AFF4: variants seen among roughly 807,000 people sequenced by gnomAD.
AFF4 encodes the protein ALF transcription elongation factor 4, also known as AF4/FMR2 family member 4.
A neutral mutation model predicts 124.8 loss-of-function variants in AFF4; 13 were observed. That is an observed-to-expected ratio of 0.10 (90% CI 0.07 to 0.17). The LOEUF (loss-of-function observed/expected upper bound fraction) is 0.17, where lower values mean the gene tolerates loss of function less well. Ranked by LOEUF, AFF4 falls within the 10% of genes least tolerant of loss-of-function variation. AFF4 has a pLI of 1.00. For missense variants in AFF4, 1,092 were observed against 1,403.8 expected, an observed-to-expected ratio of 0.78 and a Z score of 3.55; for synonymous variants, 477 against 496.1, an observed-to-expected ratio of 0.96 and a Z score of 0.51.
At chr5:132,921,457 G>GTTTTCTTTTTTTTTTC (rs1761043745) in intron 5 of AFF4, among the ~76,000 whole-genome samples, 5 of 141,414 alleles carry the variant, frequency 3.5e-5, no homozygotes, top group Non-Finnish European at 7.7e-5. Context: ...TATGACAGTT[G>GTTTTCTTTTTTTTTTC]TTTTCTTTTT....
At chr5:132,944,456 G>A (rs1581328835) in intron 1 of AFF4, among the ~76,000 whole-genome samples, 2 of 152,232 alleles carry the variant, frequency 1.3e-5, no homozygotes, top group Admixed American at 1.3e-4. Context: ...GACCACCCTG[G>A]GCAACATGGT....
intron 1 of AFF4, chr5:132,943,353 G>T: frequency 4.9e-6 from 1 of 205,558 alleles, no homozygotes; most frequent in East Asian, 1.2e-4. Context: ...TTGGAATGAT[G>T]GCAACATGCT....
rs1408503141 is a variant in AFF4, at chr5:132,878,506, T to C, written c.*2553A>G. 2.2e-5 allele frequency: 5 copies of C among 232,232 alleles called. No homozygotes were observed. Among genetic ancestry groups the C allele is most frequent in the Non-Finnish European group, 4.3e-5 (5 of 117,306 alleles). 14.4% of individuals were successfully genotyped at this position (232,232 alleles called of 1,614,324 possible). ...GGGGGGAAGGTCACCTGTAAAGGAG[T>C]CCAAAGTATGTGCTGGAGCAGATGA... On this transcript the variant is annotated 3_prime_UTR_variant, in exon 21 of 21. Coordinates refer to ENST00000265343, the MANE Select transcript of AFF4 (RefSeq NM_014423.4).
In AFF4 at chr5:132,876,273, A is replaced by C; in HGVS notation, c.*4786T>G. 4.4e-6 allele frequency: 1 copy of C among 227,192 alleles called. No individual in the cohort carries two copies. Among genetic ancestry groups the C allele is most frequent in the South Asian group, 1.8e-4 (1 of 5,494 alleles). 14.1% of individuals were successfully genotyped at this position (227,192 alleles called of 1,614,324 possible). On this transcript the variant is annotated 3_prime_UTR_variant, in exon 21 of 21. Transcript: ENST00000265343. The stretch of plus-strand genomic sequence containing the variant: ...TGCCAGGTGTGTGCATAAAGTTGTA[A>C]AATGGGGACACTTCTGGAACACCAA...
chr5:132,890,739 T>G (rs988798085), intron 13 of AFF4, among the ~76,000 whole-genome samples: 3 of 152,196 alleles, frequency 2.0e-5, no homozygotes, highest in Non-Finnish European at 4.4e-5. Flanking sequence ...ATCAAAGTGG[T>G]AAGGCCCTAT....
chr5:132,918,750 G>A (rs1016817280), intron 5 of AFF4, among the ~76,000 whole-genome samples: 1 of 151,994 alleles, frequency 6.6e-6, no homozygotes, highest in Non-Finnish European at 1.5e-5. Flanking sequence ...AAAATAGAGA[G>A]AAATAAGGAC....
At position 132,877,901 on chromosome 5, in the gene AFF4, C is replaced by T. The variant is rs1024893357; in HGVS notation, c.*3158G>A. ...CCAAGTGTGTCATTCAAAGTGCAGC[C>T]CAAGTGCCTATGAATCCGCCACTGC... On this transcript the variant is annotated 3_prime_UTR_variant, in exon 21 of 21. Coordinates refer to ENST00000265343, the MANE Select transcript of AFF4 (RefSeq NM_014423.4). 2 of 224,158 alleles carry T rather than the reference C, an allele frequency of 8.9e-6. No individual in the cohort carries two copies. The highest frequency in any genetic ancestry group is 4.5e-5 in the African/African-American group (2 of 44,792). 13.9% of individuals were successfully genotyped at this position (224,158 alleles called of 1,614,324 possible).
At position 132,896,949 on chromosome 5, in the gene AFF4, T is replaced by C; in HGVS notation, c.1681A>G (p.Thr561Ala). The C allele has an allele frequency of 1.2e-6, 2 of 1,614,160 alleles. No individual in the cohort carries two copies. The highest frequency in any genetic ancestry group is 1.7e-6 in the Non-Finnish European group (2 of 1,180,012). ...AQSDSTTQRR[T>A]VGKKQPKKAE... ...TTTTTGGGTTGTTTTTTGCCTACAG[T>C]TCTTCTCTGTGTTGTGCTGTCACTC... The change falls in exon 11 of 21, where the codon ACT becomes GCT. Residue 561 changes from threonine (T) to alanine (A), a missense_variant. By Grantham distance (58) the Thr-to-Ala change is moderately conservative. Around this residue, in one of 11 missense-constraint regions of AFF4, gnomAD observed 174 missense variants for 205.9 expected, o/e 0.84. Coordinates refer to ENST00000265343, the MANE Select transcript of AFF4 (RefSeq NM_014423.4).
chr5:132,957,019 C>CAA (rs1180577709), intron 1 of AFF4, among the ~76,000 whole-genome samples: 888 of 40,812 alleles, frequency 0.022, 150 homozygotes, highest in Non-Finnish European at 0.03. Context: ...GACTTCGTCT[C>CAA]AAAAAAAAAA....
chr5:132,912,367 T>A (rs1321929165), intron 5 of AFF4, among the ~76,000 whole-genome samples: 3 of 151,852 alleles, frequency 2.0e-5, no homozygotes, highest in Admixed American at 2.0e-4. Flanking sequence ...TAACAAACTG[T>A]GTTTACTTAT....
intron 1 of AFF4, among the ~76,000 whole-genome samples, chr5:132,949,431 C>T (rs766316335): frequency 2.0e-5 from 3 of 152,142 alleles, no homozygotes; most frequent in Non-Finnish European, 4.4e-5. Flanking sequence ...AATCCCCGCA[C>T]TTTGGGAGGC....
Position 132,963,625 on chromosome 5 carries a change from T to C in AFF4, c.-371A>G, listed in dbSNP as rs376847954. ...GCAGCTGGACTCCTGCAGCCAGGGCTGTGACTGACGCAGCGGCCGTGCCAC... is the reference window on the plus strand; with the variant it reads ...GCAGCTGGACTCCTGCAGCCAGGGCCGTGACTGACGCAGCGGCCGTGCCAC... On this transcript the variant is annotated 5_prime_UTR_variant, in exon 1 of 21. Coordinates refer to ENST00000265343, the MANE Select transcript of AFF4 (RefSeq NM_014423.4). The C allele has an allele frequency of 1.8e-5, 7 of 396,972 alleles. No homozygotes were observed. In the South Asian group the frequency reaches 6.7e-4, roughly 38 times the overall value. 24.6% of individuals were successfully genotyped at this position (396,972 alleles called of 1,614,324 possible). A position where few individuals can be genotyped will look rare whatever the true frequency, so the allele number is the denominator to read the frequency against.
chr5:132,891,658 ATAACT>A (rs1434971358), intron 13 of AFF4, among the ~76,000 whole-genome samples: 1 of 152,258 alleles, frequency 6.6e-6, no homozygotes, highest in Admixed American at 6.5e-5. Flanking sequence ...TTTACGTAAT[ATAACT>A]TGTTTGTAAA....
At chr5:132,935,060 C>T in intron 2 of AFF4, 119 bp from the exon 3 acceptor site, 1 of 739,726 alleles carries the variant, frequency 1.4e-6, no homozygotes, top group East Asian at 2.8e-5. Flanking sequence ...GAGGCTTTAC[C>T]TCATATCTTA....
At chr5:132,916,238 C>CAAAAAAA (rs70974061) in intron 5 of AFF4, among the ~76,000 whole-genome samples, 1 of 50,686 alleles carries the variant, frequency 2.0e-5, no homozygotes, top group Non-Finnish European at 3.3e-5. Context: ...GATGCTGTCT[C>CAAAAAAA]AAAAAAAAAA....
intron 18 of AFF4, 130 bp from the exon 19 acceptor site, chr5:132,885,249 CGTGTGTGTGTGT>C (rs3835017): frequency 4.4e-5 from 16 of 360,702 alleles, no homozygotes; most frequent in Admixed American, 1.8e-4. Flanking sequence ...CACCAAAATA[CGTGTGTGTGTGT>C]GTGTGTGTGT....
chr5:132,889,266 A>G, intron 13 of AFF4, 93 bp from the exon 14 acceptor site: 1 of 825,472 alleles, frequency 1.2e-6, no homozygotes, highest in Non-Finnish European at 1.9e-6. Context: ...AAAAGGAAAC[A>G]AAATTTCATT....
At chr5:132,885,329 C>T (rs538656858) in intron 18 of AFF4, among the ~76,000 whole-genome samples, 1 of 151,654 alleles carries the variant, frequency 6.6e-6, no homozygotes, top group East Asian at 1.9e-4. Flanking sequence ...TTCTGGAAGA[C>T]TTCACAGAAG....
intron 7 of AFF4, chr5:132,901,147 C>A (rs1412348478): frequency 7.1e-6 from 7 of 985,262 alleles, no homozygotes; most frequent in Non-Finnish European, 8.4e-6. Context: ...AGGAAATGTA[C>A]TTAGTCTGAA....
Sources: allele counts gnomAD v4.1 joint callset (sites outside exome capture counted in the v4.1 genomes callset), GRCh38; gene constraint gnomAD v4.1.1; regional missense constraint gnomAD v4.1.1; transcripts MANE v1.5; gene names NCBI Gene and HGNC (gene_info 2026-07-23, HGNC 2026-07-21).